The following MYO19 variants were observed in gnomAD, a reference collection of about 807,000 sequenced individuals.
MYO19 encodes unconventional myosin-XIX.
MYO19 carries 132 observed loss-of-function variants against 129.2 expected under a neutral mutation model. That is an observed-to-expected ratio of 1.02 (90% CI 0.89 to 1.18). The LOEUF is 1.18. MYO19 is among the 50% of genes most tolerant of loss of function. The pLI is 0.00. For missense variants in MYO19, 1,210 were observed against 1,216.7 expected (o/e 0.99, Z 0.08); for synonymous variants, 531 against 477.2 (o/e 1.11, Z -1.47).
At chr17:36,502,852 C>T in intron 21 of MYO19, 1 of 563,022 alleles carries the variant, frequency 1.8e-6, no homozygotes, top group Non-Finnish European at 3.2e-6. Context: ...TCAGATACTA[C>T]CTCTTCCAGG....
At chr17:36,541,243 C>A (rs1295727709) in intron 2 of MYO19, among the ~76,000 whole-genome samples, 1 of 152,208 alleles carries the variant, frequency 6.6e-6, no homozygotes, top group Non-Finnish European at 1.5e-5. Context: ...CCGCACCCGG[C>A]CAATTTTAAT....
intron 6 of MYO19, among the ~76,000 whole-genome samples, chr17:36,517,202 CT>C (rs1162167605): frequency 6.6e-6 from 1 of 152,144 alleles, no homozygotes; most frequent in Admixed American, 6.5e-5. Flanking sequence ...ATTCCTGATA[CT>C]GGTGATTTAC....
Position 36,506,869 on chromosome 17 carries a change from G to A in MYO19, c.1644+94C>T, listed in dbSNP as rs1017368347. ...GGATTCTGGGAGGAGGTTCAGGAGA[G>A]AAAGGACTCACGATGGGAAACTACT... On this transcript the variant is annotated intron_variant, in intron 17 of 25. Coordinates refer to ENST00000614623, the MANE Select transcript of MYO19 (RefSeq NM_001163735.2). 9.4e-6 allele frequency: 13 copies of A among 1,387,306 alleles called. No individual in the cohort carries two copies. In the African/African-American group the frequency reaches 1.6e-4, roughly 17 times the overall value. The allele number at this position is 1,387,306 out of a possible 1,614,324, so 85.9% of individuals were successfully genotyped here. A position where few individuals can be genotyped will look rare whatever the true frequency, so the allele number is the denominator to read the frequency against.
intron 1 of MYO19, among the ~76,000 whole-genome samples, chr17:36,542,579 G>A (rs915979043): frequency 2.9e-4 from 44 of 151,670 alleles, no homozygotes; most frequent in African/African-American, 1.1e-3. Context: ...GGCGCCTGTA[G>A]TCCCAGCTAC....
Position 36,528,019 on chromosome 17 carries a change from C to T in MYO19, c.151+45G>A, listed in dbSNP as rs761976813. The T allele has an allele frequency of 2.5e-6, 4 of 1,592,582 alleles. No homozygotes were observed. The South Asian group carries it at 4.5e-5, about 18-fold the overall frequency. ...TGTGCTGACTACTCTCATTACACCT[C>T]CAACCTCCTGGAGATGATACTCCTG... is the stretch of plus-strand genomic sequence containing the variant. On this transcript the variant is annotated intron_variant, in intron 4 of 25. Coordinates refer to ENST00000614623, the MANE Select transcript of MYO19 (RefSeq NM_001163735.2).
intron 6 of MYO19, 38 bp from the exon 7 acceptor site, chr17:36,516,028 C>T (rs1254927199): frequency 6.3e-7 from 1 of 1,575,494 alleles, no homozygotes; most frequent in South Asian, 1.1e-5. Context: ...TGTATCTATG[C>T]TCCCGCCCAC....
chr17:36,505,423 G>A lies in MYO19; in HGVS notation c.1798-19C>T. ...GTGAGGCCTGCAGATGAGAGACCAT[G>A]GGGTTAGGCAGGGAGAGGGGCTGCC... is the stretch of plus-strand genomic sequence containing the variant. On this transcript the variant is annotated intron_variant, in intron 18 of 25. Transcript: ENST00000614623. The A allele has an allele frequency of 1.2e-6, 2 of 1,606,628 alleles. No homozygotes were observed. Among genetic ancestry groups the A allele is most frequent in the East Asian group, 2.2e-5 (1 of 44,812 alleles).
intron 3 of MYO19, among the ~76,000 whole-genome samples, chr17:36,529,727 A>G (rs764490964): frequency 1.5e-4 from 23 of 152,130 alleles, no homozygotes; most frequent in Non-Finnish European, 2.9e-4. Context: ...AACCACCACT[A>G]CACAAACCAT....
chr17:36,499,209 G>C (rs1206726798), intron 23 of MYO19, 49 bp from the exon 24 acceptor site: 12 of 1,442,278 alleles, frequency 8.3e-6, no homozygotes, highest in Admixed American at 1.9e-5. Context: ...GGGGCCATTA[G>C]AGCTGTCAGT....
chr17:36,538,435 A>G (rs1407125462), upstream of MYO19: 16 of 1,614,046 alleles, frequency 9.9e-6, no homozygotes, highest in Non-Finnish European at 1.2e-5. Context: ...ACAGCTCTAA[A>G]CAGAAAACAG....
upstream of MYO19, chr17:36,537,396 C>G (rs745493713): frequency 6.2e-7 from 1 of 1,613,806 alleles, no homozygotes; most frequent in African/African-American, 1.3e-5. Context: ...TCAAATATAC[C>G]GAAGGAGGAC....
At position 36,514,441 on chromosome 17, in the gene MYO19, CA is replaced by C; in HGVS notation, c.720+4del. On this transcript the variant is annotated splice_donor_region_variant and intron_variant, in intron 9 of 25. Coordinates refer to ENST00000614623, the MANE Select transcript of MYO19 (RefSeq NM_001163735.2). The stretch of plus-strand genomic sequence containing the variant: ...TGGGGGGCTGTGGCCCCATTTGGCA[CA>C]AACCTGATAGAAGATGTGGAAGTTC... 1.2e-6 allele frequency: 2 copies of C among 1,606,238 alleles called. No homozygotes were observed. Among genetic ancestry groups the C allele is most frequent in the Non-Finnish European group, 1.7e-6 (2 of 1,172,834 alleles).
At position 36,499,245 on chromosome 17, in the gene MYO19, T is replaced by C. The variant is rs547082360; in HGVS notation, c.2378-85A>G. ...GACCTCGCTGCAGCAGCACCACAGT[T>C]GCTGTCAAAGTTTCAAATACGTTTT... On this transcript the variant is annotated intron_variant, in intron 23 of 25. Transcript: ENST00000614623. 3 of 962,086 alleles carry C rather than the reference T, an allele frequency of 3.1e-6. No homozygotes were observed. In the South Asian group the frequency reaches 4.6e-5, roughly 15 times the overall value. The allele number at this position is 962,086 out of a possible 1,614,324, so 59.6% of individuals were successfully genotyped here.
rs2070939717 is a variant in MYO19 at position 36,496,087 on chromosome 17, C to G, written c.*164G>C. The G allele has an allele frequency of 7.1e-6, 7 of 979,286 alleles. No individual in the cohort carries two copies. Among genetic ancestry groups the G allele is most frequent in the Non-Finnish European group, 1.0e-5 (7 of 667,128 alleles). 60.7% of individuals were successfully genotyped at this position (979,286 alleles called of 1,614,324 possible). A position where few individuals can be genotyped will look rare whatever the true frequency, so the allele number is the denominator to read the frequency against. ...GATGTAGCCTGGAACCCCAGGCCCACTGACGCACTGGGCACGGGGCTCTGG... is the reference window on the plus strand; with the variant it reads ...GATGTAGCCTGGAACCCCAGGCCCAGTGACGCACTGGGCACGGGGCTCTGG... On this transcript the variant is annotated 3_prime_UTR_variant, in exon 26 of 26. Coordinates refer to ENST00000614623, the MANE Select transcript of MYO19 (RefSeq NM_001163735.2).
At chr17:36,523,402 T>G (rs899822903) in intron 6 of MYO19, among the ~76,000 whole-genome samples, 4 of 152,166 alleles carry the variant, frequency 2.6e-5, no homozygotes, top group Non-Finnish European at 5.9e-5. Flanking sequence ...TGAAAGAAGC[T>G]GATTTGCTTG....
At chr17:36,500,612 C>T in intron 23 of MYO19, 1 of 613,824 alleles carries the variant, frequency 1.6e-6, no homozygotes, top group South Asian at 2.8e-5. Flanking sequence ...CCACTTCTTA[C>T]AGAGCACCTT....
chr17:36,529,353 A>G (rs2073687028), intron 3 of MYO19, among the ~76,000 whole-genome samples: 1 of 151,568 alleles, frequency 6.6e-6, no homozygotes, highest in Admixed American at 6.6e-5. Flanking sequence ...TCATCCCTCC[A>G]CTTCCTCCTG....
At chr17:36,520,338 T>C (rs1381796114) in intron 6 of MYO19, among the ~76,000 whole-genome samples, 1 of 152,194 alleles carries the variant, frequency 6.6e-6, no homozygotes, top group Non-Finnish European at 1.5e-5. Context: ...TAAATGTGTT[T>C]TCTTTGTATT....
chr17:36,518,517 A>AC (rs2072917458), intron 6 of MYO19, among the ~76,000 whole-genome samples: 1 of 68,922 alleles, frequency 1.5e-5, no homozygotes, highest in Non-Finnish European at 3.0e-5. Flanking sequence ...AAAAAAAAAA[A>AC]AAAAAAAAAA....
Sources: allele counts gnomAD v4.1 joint callset (sites outside exome capture counted in the v4.1 genomes callset), GRCh38; gene constraint gnomAD v4.1.1; transcripts MANE v1.5; gene names NCBI Gene and HGNC (gene_info 2026-07-23, HGNC 2026-07-21).